SGMS1: variants seen among roughly 807,000 people sequenced by gnomAD.
SGMS1 encodes sphingomyelin synthase 1, also known as phosphatidylcholine:ceramide cholinephosphotransferase 1.
SGMS1 carries 13 observed loss-of-function variants against 46.2 expected under a neutral mutation model. That is an observed-to-expected ratio of 0.28 (90% CI 0.18 to 0.45). SGMS1 has a LOEUF of 0.45. SGMS1 is among the 20% of genes least tolerant of loss of function. The pLI is 1.00. For missense variants in SGMS1, 324 were observed against 519.9 expected (o/e 0.62, Z 3.66); for synonymous variants, 203 against 187.8 (o/e 1.08, Z -0.66).
chr10:50,475,588 T>C (rs1248345020), intron 3 of SGMS1, among the ~76,000 whole-genome samples: 1 of 152,196 alleles, frequency 6.6e-6, no homozygotes, highest in Non-Finnish European at 1.5e-5. Flanking sequence ...ATAGTTTGGC[T>C]CTGTGTCCCT....
intron 2 of SGMS1, among the ~76,000 whole-genome samples, chr10:50,551,392 G>T (rs1411323428): frequency 1.3e-5 from 2 of 150,362 alleles, no homozygotes; most frequent in Non-Finnish European, 3.0e-5. Context: ...AACCAGCAAG[G>T]CCTGAGAAAC....
chr10:50,452,339 G>A (rs928591175), intron 5 of SGMS1, among the ~76,000 whole-genome samples: 1 of 152,096 alleles, frequency 6.6e-6, no homozygotes, highest in Admixed American at 6.5e-5. Flanking sequence ...ATTAAAAGAG[G>A]AGACTGCGCT....
chr10:50,573,121 C>T (rs1395228241), intron 2 of SGMS1, among the ~76,000 whole-genome samples: 1 of 152,156 alleles, frequency 6.6e-6, no homozygotes, highest in Non-Finnish European at 1.5e-5. Flanking sequence ...AAGCCCATAG[C>T]TAACATCATA....
chr10:50,544,042 A>C (rs1463174958), intron 2 of SGMS1, among the ~76,000 whole-genome samples: 1 of 152,234 alleles, frequency 6.6e-6, no homozygotes, highest in African/African-American at 2.4e-5. Context: ...CTGAGGAAGA[A>C]AAACTCCCTT....
chr10:50,486,122 G>A (rs2133729436), intron 3 of SGMS1, among the ~76,000 whole-genome samples: 1 of 152,234 alleles, frequency 6.6e-6, no homozygotes, highest in African/African-American at 2.4e-5. Flanking sequence ...GCCATATATA[G>A]AAAATTGAAA....
intron 2 of SGMS1, among the ~76,000 whole-genome samples, chr10:50,526,641 T>C (rs1274390822): frequency 6.6e-6 from 1 of 152,238 alleles, no homozygotes; most frequent in East Asian, 1.9e-4. Flanking sequence ...ACTTCATAAA[T>C]GTTAGCTATT....
chr10:50,508,166 A>T (rs1837723617), intron 3 of SGMS1, among the ~76,000 whole-genome samples: 1 of 152,178 alleles, frequency 6.6e-6, no homozygotes, highest in Admixed American at 6.5e-5. Flanking sequence ...GTTGTTTTTA[A>T]AGTAAAAATC....
intron 1 of SGMS1, among the ~76,000 whole-genome samples, chr10:50,604,822 A>G (rs1350172848): frequency 6.7e-6 from 1 of 148,618 alleles, no homozygotes; most frequent in African/African-American, 2.5e-5. Context: ...ACCAAGACAG[A>G]CTCCAAAAAA....
chr10:50,461,321 T>C (rs746690109), intron 4 of SGMS1, among the ~76,000 whole-genome samples: 5 of 152,182 alleles, frequency 3.3e-5, no homozygotes, highest in Non-Finnish European at 7.4e-5. Context: ...TATAGTTATA[T>C]ATGTGTAAAT....
chr10:50,475,542 AAT>A (rs1837412943), intron 3 of SGMS1, among the ~76,000 whole-genome samples: 1 of 152,230 alleles, frequency 6.6e-6, no homozygotes, highest in Non-Finnish European at 1.5e-5. Context: ...TCAGGCTATG[AAT>A]AACTGGTCCA....
chr10:50,442,361 C>G (rs527599743), intron 5 of SGMS1, among the ~76,000 whole-genome samples: 1 of 152,156 alleles, frequency 6.6e-6, no homozygotes, highest in South Asian at 2.1e-4. Context: ...CTGACAGGTC[C>G]CAGTGTGTGT....
At chr10:50,612,171 T>G (rs370051417) in intron 1 of SGMS1, among the ~76,000 whole-genome samples, 27 of 152,232 alleles carry the variant, frequency 1.8e-4, no homozygotes, top group African/African-American at 6.0e-4. Flanking sequence ...CCTTCCAAAT[T>G]TAAGCATCTT....
chr10:50,448,728 G>T (rs1837058713), intron 5 of SGMS1, among the ~76,000 whole-genome samples: 1 of 112,814 alleles, frequency 8.9e-6, no homozygotes, highest in African/African-American at 4.1e-5. Context: ...TGAGCAACAA[G>T]AGTGAAACTC....
chr10:50,456,907 C>A (rs1351448547), intron 5 of SGMS1, among the ~76,000 whole-genome samples: 1 of 152,192 alleles, frequency 6.6e-6, no homozygotes, highest in Non-Finnish European at 1.5e-5. Flanking sequence ...TACAGTCATG[C>A]ACAGCGCTTG....
At chr10:50,485,676 G>A (rs1837514057) in intron 3 of SGMS1, among the ~76,000 whole-genome samples, 1 of 152,282 alleles carries the variant, frequency 6.6e-6, no homozygotes, top group African/African-American at 2.4e-5. Context: ...AAGGCAGGTG[G>A]ATCGCTTGAG....
intron 8 of SGMS1, among the ~76,000 whole-genome samples, chr10:50,315,617 T>C (rs1355339454): frequency 2.0e-5 from 3 of 152,272 alleles, no homozygotes; most frequent in African/African-American, 7.2e-5. Context: ...CCAGTGTTTT[T>C]TGGCTGCATT....
intron 5 of SGMS1, among the ~76,000 whole-genome samples, chr10:50,442,670 A>G (rs555803638): frequency 1.5e-3 from 232 of 152,284 alleles, no homozygotes; most frequent in Non-Finnish European, 3.0e-3. Context: ...TGTCTTTGTA[A>G]TAGAACAATT....
chr10:50,624,932 C>T (rs1205200780), upstream of SGMS1: 1 of 1,016,558 alleles, frequency 9.8e-7, no homozygotes, highest in East Asian at 1.1e-4. Flanking sequence ...CGTGACTGTC[C>T]GCGGCGCTCC....
chr10:50,306,336 T>C lies in SGMS1; in HGVS notation c.*806A>G, dbSNP rs1252346029. ...ATATATTTATATTTTCAAGGAATAC[T>C]TTATTTTAAATAAAAACATTTAAGA... On this transcript the variant is annotated 3_prime_UTR_variant, in exon 11 of 11. Transcript: ENST00000361781. 6.6e-6 allele frequency: 1 copy of C among 152,620 alleles called. No individual in the cohort carries two copies. The highest frequency in any genetic ancestry group is 1.5e-5 in the Non-Finnish European group (1 of 68,026). 9.5% of individuals were successfully genotyped at this position (152,620 alleles called of 1,614,324 possible).
Sources: allele counts gnomAD v4.1 joint callset (sites outside exome capture counted in the v4.1 genomes callset), GRCh38; gene constraint gnomAD v4.1.1; transcripts MANE v1.5; gene names NCBI Gene and HGNC (gene_info 2026-07-23, HGNC 2026-07-21).